NAALADL2: variants seen among roughly 807,000 people sequenced by gnomAD.
NAALADL2 encodes N-acetylated alpha-linked acidic dipeptidase like 2, also known as inactive N-acetylated-alpha-linked acidic dipeptidase-like protein 2.
A neutral mutation model predicts 87.2 loss-of-function variants in NAALADL2; 76 were observed. The observed-to-expected ratio is 0.87, with a 90% CI of 0.72 to 1.05. NAALADL2 has a LOEUF of 1.05. Among genes scored for constraint, NAALADL2 ranks in the 50% least tolerant of loss-of-function variants. NAALADL2 has a pLI of 0.00. For missense variants in NAALADL2, 1,089 were observed against 945.8 expected (o/e 1.15, Z -1.99); for synonymous variants, 354 against 331.0 (o/e 1.07, Z -0.75).
chr3:174,578,101 G>C (rs1242254270), intron 2 of NAALADL2, among the ~76,000 whole-genome samples: 1 of 151,936 alleles, frequency 6.6e-6, no homozygotes, highest in Non-Finnish European at 1.5e-5. Flanking sequence ...GAGAAAAAAG[G>C]TTTTAAAAAG....
chr3:175,671,868 A>C (rs749621517), intron 11 of NAALADL2, among the ~76,000 whole-genome samples: 1 of 152,112 alleles, frequency 6.6e-6, no homozygotes, highest in Non-Finnish European at 1.5e-5. Context: ...CATTGAAACT[A>C]TCAATGATTG....
At position 175,395,728 on chromosome 3, in the gene NAALADL2, T is replaced by G. The variant is rs1769693747; in HGVS notation, c.1091-51501T>G. ...TGATTTCTGTATAATCTTTGCATAC[T>G]CATGATAATAATGATAGCTATCCAT... On this transcript the variant is annotated intron_variant, in intron 5 of 13. Coordinates refer to ENST00000454872, the MANE Select transcript of NAALADL2 (RefSeq NM_207015.3). Among the ~76,000 whole-genome samples, 4 of 152,226 alleles carry G rather than the reference T, an allele frequency of 2.6e-5. 1 individual carries two copies. The highest frequency in any genetic ancestry group is 2.6e-4 in the Admixed American group (4 of 15,278).
intron 1 of NAALADL2, among the ~76,000 whole-genome samples, chr3:174,518,032 G>A (rs1056376115): frequency 6.6e-6 from 1 of 152,058 alleles, no homozygotes; most frequent in Non-Finnish European, 1.5e-5. Context: ...ATGCTGATAA[G>A]TAAAAAATTG....
In NAALADL2 at chr3:175,500,741, A is replaced by G. The variant is rs1162120028; in HGVS notation, c.1653+28983A>G. ...ATCTTACAGATGAAGAAAGTGGCGCATAGAGAAATTAAGATACTTAAAAAA... is the reference window on the plus strand; with the variant it reads ...ATCTTACAGATGAAGAAAGTGGCGCGTAGAGAAATTAAGATACTTAAAAAA... On this transcript the variant is annotated intron_variant, in intron 9 of 13. Transcript: ENST00000454872. Among the ~76,000 whole-genome samples the G allele has an allele frequency of 2.0e-5, 3 of 152,266 alleles. No individual in the cohort carries two copies. In the East Asian group the frequency reaches 5.8e-4, roughly 29 times the overall value.
chr3:174,614,681 G>T (rs1720272324), intron 2 of NAALADL2, among the ~76,000 whole-genome samples: 1 of 151,988 alleles, frequency 6.6e-6, no homozygotes, highest in Non-Finnish European at 1.5e-5. Context: ...CTGATTTTTG[G>T]CTCTTATGAA....
intron 11 of NAALADL2, among the ~76,000 whole-genome samples, chr3:175,693,088 G>A (rs1489691690): frequency 6.6e-6 from 1 of 152,144 alleles, no homozygotes; most frequent in Admixed American, 6.5e-5. Context: ...TTGGAAGCAT[G>A]GTCTTCTAGA....
At chr3:174,606,643 AAAGCCTCCAAGAAATATGGGACT>A (rs1719099975) in intron 2 of NAALADL2, among the ~76,000 whole-genome samples, 1 of 152,202 alleles carries the variant, frequency 6.6e-6, no homozygotes, top group African/African-American at 2.4e-5. Flanking sequence ...AGAAATGAAC[AAAGCCTCCAAGAAATATGGGACT>A]ATGTGAAAAG....
At chr3:175,668,408 T>C (rs1162969680) in intron 11 of NAALADL2, among the ~76,000 whole-genome samples, 2 of 152,126 alleles carry the variant, frequency 1.3e-5, no homozygotes, top group African/African-American at 4.8e-5. Context: ...TGTGGATGAC[T>C]TTTACTGCAT....
chr3:174,882,347 G>A lies in NAALADL2; in HGVS notation c.43+22897G>A, dbSNP rs565786759. 8.6e-4 allele frequency among the ~76,000 whole-genome samples: 131 copies of A among 151,650 alleles called. 1 individual carries two copies. In the East Asian group the frequency reaches 0.017, roughly 20 times the overall value. On this transcript the variant is annotated intron_variant, in intron 1 of 13. Coordinates refer to ENST00000454872, the MANE Select transcript of NAALADL2 (RefSeq NM_207015.3). ...ATATGGCCATGAAACAATTAGAAAAGGACACAAAATAGTTAACTTGATATA... is the reference window on the plus strand; with the variant it reads ...ATATGGCCATGAAACAATTAGAAAAAGACACAAAATAGTTAACTTGATATA...
chr3:174,876,172 A>G (rs1412319325), intron 1 of NAALADL2, among the ~76,000 whole-genome samples: 3 of 152,168 alleles, frequency 2.0e-5, no homozygotes, highest in Non-Finnish European at 4.4e-5. Context: ...AAAATACAAT[A>G]AAAATCTTCT....
chr3:174,743,215 A>T (rs560371193), intron 3 of NAALADL2, among the ~76,000 whole-genome samples: 5 of 151,732 alleles, frequency 3.3e-5, no homozygotes, highest in Non-Finnish European at 7.4e-5. Flanking sequence ...CTTTATATCT[A>T]CAGGCTTCTT....
chr3:175,482,512 T>G (rs1434202764), intron 9 of NAALADL2, among the ~76,000 whole-genome samples: 2 of 151,932 alleles, frequency 1.3e-5, no homozygotes, highest in African/African-American at 2.4e-5. Flanking sequence ...TTTGAGAAAA[T>G]CTTTCATCAT....
intron 2 of NAALADL2, among the ~76,000 whole-genome samples, chr3:174,552,450 A>G (rs527637141): frequency 6.6e-6 from 1 of 152,292 alleles, no homozygotes; most frequent in African/African-American, 2.4e-5. Context: ...ATTTTTAGTT[A>G]GATTGACAAA....
chr3:175,111,964 A>G (rs1466642611), intron 2 of NAALADL2, among the ~76,000 whole-genome samples: 1 of 151,634 alleles, frequency 6.6e-6, no homozygotes, highest in African/African-American at 2.4e-5. Flanking sequence ...GTAGTGGATG[A>G]TCTTGAACAA....
chr3:175,222,484 T>C (rs183316387), intron 2 of NAALADL2, among the ~76,000 whole-genome samples: 84 of 152,292 alleles, frequency 5.5e-4, no homozygotes, highest in Admixed American at 2.9e-3. Flanking sequence ...ACTCAGCTAT[T>C]TTTCAGACTT....
At chr3:174,811,096 G>A (rs190650812) in intron 3 of NAALADL2, among the ~76,000 whole-genome samples, 7 of 152,318 alleles carry the variant, frequency 4.6e-5, no homozygotes, top group African/African-American at 1.7e-4. Flanking sequence ...GGGGACGTAT[G>A]GAAAAGCCTG....
At chr3:174,939,126 T>C (rs1382732674) in intron 1 of NAALADL2, among the ~76,000 whole-genome samples, 11 of 152,052 alleles carry the variant, frequency 7.2e-5, no homozygotes, top group Non-Finnish European at 1.5e-5. Context: ...TCTTCCAGGG[T>C]TTTTATAGTT....
intron 1 of NAALADL2, among the ~76,000 whole-genome samples, chr3:175,009,587 A>T (rs1749511980): frequency 3.3e-5 from 5 of 152,182 alleles, no homozygotes; most frequent in Admixed American, 3.3e-4. Flanking sequence ...TTAAAATGAT[A>T]TCTGCAGATG....
At chr3:174,908,251 T>C (rs1425319087) in intron 1 of NAALADL2, among the ~76,000 whole-genome samples, 2 of 152,070 alleles carry the variant, frequency 1.3e-5, no homozygotes, top group Non-Finnish European at 1.5e-5. Context: ...CTATCGTCTC[T>C]TGTTTAAATA....
Sources: gnomAD v4.1 joint callset for allele counts (sites outside exome capture counted in the v4.1 genomes callset) on GRCh38, gnomAD v4.1.1 for gene constraint, MANE v1.5 for transcripts, NCBI Gene and HGNC (gene_info 2026-07-23, HGNC 2026-07-21) for gene names.